The following MUC15 variants were observed in gnomAD, a reference collection of about 807,000 sequenced individuals.
MUC15 encodes mucin-15.
Under a neutral mutation model 24.0 loss-of-function variants are expected in MUC15, and 23 were observed. That is an observed-to-expected ratio of 0.96 (90% CI 0.69 to 1.36). The LOEUF (loss-of-function observed/expected upper bound fraction) is 1.36, where lower values mean the gene tolerates loss of function less well. Among genes scored for constraint, MUC15 ranks in the 40% most tolerant of loss-of-function variants. The pLI is 0.00. For missense variants in MUC15, 442 were observed against 428.2 expected (o/e 1.03, Z -0.29); for synonymous variants, 151 against 156.3 (o/e 0.97, Z 0.25).
In MUC15 at chr11:26,561,016, G is replaced by C. The variant is rs752739971; in HGVS notation, c.*49C>G. ...TTTTGAAAGATGAATTTGTCAAAAGGCTAGGATGTAGATGACACTTGCTGT... is the reference window on the plus strand; with the variant it reads ...TTTTGAAAGATGAATTTGTCAAAAGCCTAGGATGTAGATGACACTTGCTGT... On this transcript the variant is annotated 3_prime_UTR_variant, in exon 5 of 5. Coordinates refer to ENST00000529533, the MANE Select transcript of MUC15 (RefSeq NM_001135091.2). 9 of 1,544,168 alleles carry C rather than the reference G, an allele frequency of 5.8e-6. No individual in the cohort carries two copies. The highest frequency in any genetic ancestry group is 6.2e-6 in the Non-Finnish European group (7 of 1,136,908).
At chr11:26,566,062 C>T (rs1237402709) in intron 2 of MUC15, among the ~76,000 whole-genome samples, 166 bp from the exon 3 acceptor site, 1 of 151,790 alleles carries the variant, frequency 6.6e-6, no homozygotes. Flanking sequence ...TAAATTAGTG[C>T]CATTGAGTAC....
intron 2 of MUC15, 135 bp from the exon 3 acceptor site, chr11:26,566,031 G>T (rs1850568291): frequency 2.1e-6 from 2 of 964,526 alleles, no homozygotes; most frequent in Admixed American, 3.5e-5. Context: ...TTCCAAAATT[G>T]CTTATTTTGG....
intron 1 of MUC15, among the ~76,000 whole-genome samples, chr11:26,570,595 A>G (rs1031452739): frequency 6.6e-6 from 1 of 152,116 alleles, no homozygotes; most frequent in African/African-American, 2.4e-5. Context: ...CAGGCATAAT[A>G]TAAAAACATG....
intron 3 of MUC15, 130 bp from the exon 4 acceptor site, chr11:26,563,395 C>G (rs61877024): frequency 0.075 from 40,538 of 539,518 alleles, 1,833 homozygotes; most frequent in South Asian, 0.14. Context: ...GTTTCTCTCT[C>G]TGTGTGTGTG....
At chr11:26,564,503 G>C (rs183401766) in intron 3 of MUC15, among the ~76,000 whole-genome samples, 4 of 149,724 alleles carry the variant, frequency 2.7e-5, no homozygotes, top group East Asian at 2.0e-4. Flanking sequence ...TTAAAACTTA[G>C]TTATTTTTTT....
In MUC15 at chr11:26,565,473, TCATCTGCTATAGGTG is replaced by T; in HGVS notation, c.452_466del (p.Ala151_Asp155del). ...ATGTGCTGAGATGGGCAAAAGATCT[TCATCTGCTATAGGTG>T]CATTCCAAGGCACTTTAGAAACAAA... On this transcript the variant is annotated inframe_deletion, in exon 3 of 5. Transcript: ENST00000529533. The T allele has an allele frequency of 6.2e-7, 1 of 1,613,434 alleles. No homozygotes were observed. Among genetic ancestry groups the T allele is most frequent in the South Asian group, 1.1e-5 (1 of 91,074 alleles).
At chr11:26,564,416 G>A (rs115891049) in intron 3 of MUC15, among the ~76,000 whole-genome samples, 5,100 of 114,646 alleles carry the variant, frequency 0.044, 122 homozygotes, top group Non-Finnish European at 0.061. Context: ...TGAGTTCTTG[G>A]AGGAAAACAA....
rs749330872 is a variant in MUC15 at position 26,563,226 on chromosome 11, C to A, written c.815G>T (p.Gly272Val). 1.1e-5 allele frequency: 17 copies of A among 1,610,682 alleles called. No homozygotes were observed. The highest frequency in any genetic ancestry group is 1.4e-5 in the Non-Finnish European group (17 of 1,178,050). The change falls in exon 4 of 5, where the codon GGT (glycine) becomes GTT (valine). Residue 272 changes from glycine to valine, a missense_variant. Gly to Val is a moderately radical substitution (Grantham distance 109). Transcript: ENST00000529533. ...AAGCAATGAGACACCCAGAATAGCACCTAAAATGGCCCCGAATACTATTCC... is the reference window on the plus strand; with the variant it reads ...AAGCAATGAGACACCCAGAATAGCAACTAAAATGGCCCCGAATACTATTCC... ...NTGIVFGAIL[G>V]AILGVSLLTL...
Position 26,559,651 on chromosome 11 carries a change from C to A in MUC15, c.*1414G>T. ...GAGAAAAAATCATAGTACCTGAGTG[C>A]AAACAGTATTCACTGGCTTATTATA... On this transcript the variant is annotated 3_prime_UTR_variant, in exon 5 of 5. Transcript: ENST00000529533. 9.1e-7 allele frequency: 1 copy of A among 1,097,388 alleles called. No homozygotes were observed. The highest frequency in any genetic ancestry group is 1.4e-6 in the Non-Finnish European group (1 of 711,798). 68.0% of individuals were successfully genotyped at this position (1,097,388 alleles called of 1,614,324 possible).
chr11:26,563,114 A>G lies in MUC15; in HGVS notation c.925+2T>C, dbSNP rs570465871. ...AGGTGAAGTATTGAAAATAGATTTT[A>G]CCTGGTTCATTTCTGTCGTCATAAA... On this transcript the variant is annotated splice_donor_variant, in intron 4 of 4. Transcript: ENST00000529533. LOFTEE classifies it high-confidence loss of function. 4 of 1,611,056 alleles carry G rather than the reference A, an allele frequency of 2.5e-6. No homozygotes were observed. In the African/African-American group the frequency reaches 4.0e-5, roughly 16 times the overall value.
At chr11:26,564,730 C>CATAT (rs1850477575) in intron 3 of MUC15, among the ~76,000 whole-genome samples, 4 of 24,010 alleles carry the variant, frequency 1.7e-4, no homozygotes, top group East Asian at 7.9e-4. Flanking sequence ...CACACACACA[C>CATAT]ACATATATAT....
chr11:26,564,718 CACACACACACACACATATATATAT>C (rs1850459087), intron 3 of MUC15, among the ~76,000 whole-genome samples: 12 of 74,920 alleles, frequency 1.6e-4, no homozygotes, highest in Non-Finnish European at 2.8e-4. Context: ...CACACACACA[CACACACACACACACATATATATAT>C]ATATATATAT....
chr11:26,559,068 C>T lies in MUC15; in HGVS notation c.*1997G>A, dbSNP rs948069423. ...TATACTTTATTAAAATCAAACAATA[C>T]AAGCCTTAAAATTTGATTCAATAAC... On this transcript the variant is annotated 3_prime_UTR_variant, in exon 5 of 5. Coordinates refer to ENST00000529533, the MANE Select transcript of MUC15 (RefSeq NM_001135091.2). The T allele has an allele frequency of 6.6e-6, 1 of 152,104 alleles. No homozygotes were observed. The highest frequency in any genetic ancestry group is 1.5e-5 in the Non-Finnish European group (1 of 68,038). 9.4% of individuals were successfully genotyped at this position (152,104 alleles called of 1,614,324 possible).
intron 3 of MUC15, among the ~76,000 whole-genome samples, chr11:26,564,481 A>T (rs1366915797): frequency 1.3e-5 from 2 of 151,032 alleles, no homozygotes; most frequent in Non-Finnish European, 3.0e-5. Flanking sequence ...AAAACAAAAC[A>T]AGAATGAATT....
chr11:26,570,681 C>T (rs1850788453), intron 1 of MUC15, among the ~76,000 whole-genome samples: 1 of 152,118 alleles, frequency 6.6e-6, no homozygotes, highest in Non-Finnish European at 1.5e-5. Flanking sequence ...TTTCTTCTCA[C>T]AGATGTTAGG....
At chr11:26,570,660 G>A (rs1850787778) in intron 1 of MUC15, among the ~76,000 whole-genome samples, 1 of 152,104 alleles carries the variant, frequency 6.6e-6, no homozygotes, top group Non-Finnish European at 1.5e-5. Flanking sequence ...TCTCCAAGTT[G>A]TGTTTGATCA....
In MUC15 at chr11:26,560,539, C is replaced by T. The variant is rs1336138180; in HGVS notation, c.*526G>A. On this transcript the variant is annotated 3_prime_UTR_variant, in exon 5 of 5. Coordinates refer to ENST00000529533, the MANE Select transcript of MUC15 (RefSeq NM_001135091.2). ...AATTATAACGTACTAGAATACAGGT[C>T]TGTCATTTCTATTGCCTCAATTTCC... 3 of 152,840 alleles carry T rather than the reference C, an allele frequency of 2.0e-5. No homozygotes were observed. The highest frequency in any genetic ancestry group is 7.2e-5 in the African/African-American group (3 of 41,418). 9.5% of individuals were successfully genotyped at this position (152,840 alleles called of 1,614,324 possible).
chr11:26,565,260 C>T lies in MUC15; in HGVS notation c.680G>A (p.Gly227Glu), dbSNP rs1452332011. 2 of 1,590,478 alleles carry T rather than the reference C, an allele frequency of 1.3e-6. No homozygotes were observed. Among genetic ancestry groups the T allele is most frequent in the African/African-American group, 1.3e-5 (1 of 74,098 alleles). Reference sequence around the variant, plus strand: ...TGTTTTTTCTTGATAAGGGGTAAACCCAGTGAAGCTATCACTGTTTGTGGT... The same window carrying T: ...TGTTTTTTCTTGATAAGGGGTAAACTCAGTGAAGCTATCACTGTTTGTGGT... ...WLTTNSDSFT[G>E]FTPYQEKTTL... The change falls in exon 3 of 5, where the codon GGG (glycine) becomes GAG (glutamate). Residue 227 changes from glycine (G) to glutamate (E), a missense_variant. Gly to Glu is a moderately conservative substitution (Grantham distance 98, BLOSUM62 -2). Coordinates refer to ENST00000529533, the MANE Select transcript of MUC15 (RefSeq NM_001135091.2).
At chr11:26,562,163 G>T (rs1451322117) in intron 4 of MUC15, among the ~76,000 whole-genome samples, 1 of 151,800 alleles carries the variant, frequency 6.6e-6, no homozygotes, top group East Asian at 1.9e-4. Flanking sequence ...GTTAAAAAAT[G>T]GTTGAAAACC....
Sources: allele counts gnomAD v4.1 joint callset (sites outside exome capture counted in the v4.1 genomes callset), GRCh38; gene constraint gnomAD v4.1.1; transcripts MANE v1.5; gene names NCBI Gene and HGNC (gene_info 2026-07-23, HGNC 2026-07-21).